The following AKR1D1 variants were observed in gnomAD, a reference collection of about 807,000 sequenced individuals.
The protein encoded by AKR1D1 is delta(4)-3-ketosteroid 5-beta-reductase.
In AKR1D1, 32 loss-of-function variants were observed where a neutral mutation model predicts 42.6. That is an observed-to-expected ratio of 0.75 (90% CI 0.57 to 1.01). The LOEUF (loss-of-function observed/expected upper bound fraction) is 1.01. AKR1D1 is among the 50% of genes least tolerant of loss of function. The pLI is 0.00. For missense variants in AKR1D1, 364 were observed against 402.2 expected, an observed-to-expected ratio of 0.91 and a Z score of 0.81; for synonymous variants, 123 against 135.5, an observed-to-expected ratio of 0.91 and a Z score of 0.64.
chr7:138,107,273 A>T, intron 6 of AKR1D1, 142 bp from the exon 7 acceptor site: 1 of 870,304 alleles, frequency 1.1e-6, no homozygotes, highest in Non-Finnish European at 2.0e-6. Context: ...CATACTCTGC[A>T]CTCAGAGAAA....
intron 7 of AKR1D1, among the ~76,000 whole-genome samples, chr7:138,108,027 C>T (rs1321839262): frequency 6.6e-6 from 1 of 152,134 alleles, no homozygotes; most frequent in Non-Finnish European, 1.5e-5. Flanking sequence ...ACTCACTTCT[C>T]TACCAGCACA....
chr7:138,118,149 A>G lies in AKR1D1; in HGVS notation c.*1487A>G, dbSNP rs1292053487. ...ATCAGTTGCTTATAGATAATGTTCA[A>G]TGACCTCAAGACATATATTTTTGAG... On this transcript the variant is annotated 3_prime_UTR_variant, in exon 9 of 9. Transcript: ENST00000242375. Among the ~76,000 whole-genome samples, 1 of 152,258 alleles carries G rather than the reference A, an allele frequency of 6.6e-6. No individual in the cohort carries two copies. Among genetic ancestry groups the G allele is most frequent in the Non-Finnish European group, 1.5e-5 (1 of 68,044 alleles).
At chr7:138,108,869 ACT>A (rs1794483411) in intron 7 of AKR1D1, among the ~76,000 whole-genome samples, 1 of 152,180 alleles carries the variant, frequency 6.6e-6, no homozygotes, top group Non-Finnish European at 1.5e-5. Flanking sequence ...AGATTTAACC[ACT>A]CCACAATTTA....
At chr7:138,108,218 A>G (rs2117465822) in intron 7 of AKR1D1, among the ~76,000 whole-genome samples, 1 of 152,310 alleles carries the variant, frequency 6.6e-6, no homozygotes, top group Non-Finnish European at 1.5e-5. Context: ...GTAACTTCCA[A>G]GTGAAGAAAG....
intron 3 of AKR1D1, among the ~76,000 whole-genome samples, chr7:138,097,309 C>A (rs1293629514): frequency 2.6e-5 from 4 of 152,160 alleles, no homozygotes; most frequent in African/African-American, 7.2e-5. Context: ...AGAATGCATA[C>A]AAGAGTGATT....
chr7:138,107,315 G>C (rs1429724350), intron 6 of AKR1D1, 100 bp from the exon 7 acceptor site: 4 of 1,274,678 alleles, frequency 3.1e-6, no homozygotes, highest in Non-Finnish European at 4.6e-6. Flanking sequence ...TGTCCTGGTA[G>C]GTGACTGGGT....
At chr7:138,089,537 T>C (rs546134206) in intron 2 of AKR1D1, among the ~76,000 whole-genome samples, 3 of 151,932 alleles carry the variant, frequency 2.0e-5, no homozygotes, top group African/African-American at 7.2e-5. Context: ...TAATGACTCA[T>C]ATTATAGGAG....
chr7:138,089,346 C>A (rs1794014511), intron 2 of AKR1D1, among the ~76,000 whole-genome samples: 1 of 144,196 alleles, frequency 6.9e-6, no homozygotes, highest in South Asian at 2.3e-4. Flanking sequence ...GCGAGACCCT[C>A]TCTCAAAAAA....
chr7:138,105,140 T>C (rs1794394484), intron 4 of AKR1D1, among the ~76,000 whole-genome samples, 167 bp from the exon 5 acceptor site: 1 of 151,908 alleles, frequency 6.6e-6, no homozygotes, highest in Non-Finnish European at 1.5e-5. Context: ...AATTCAATCA[T>C]AGAATTACTG....
intron 3 of AKR1D1, among the ~76,000 whole-genome samples, chr7:138,096,239 T>A (rs187764699): frequency 6.6e-6 from 1 of 151,600 alleles, no homozygotes; most frequent in South Asian, 2.1e-4. Flanking sequence ...GGAAAAAGAA[T>A]GCTATCATTC....
intron 3 of AKR1D1, among the ~76,000 whole-genome samples, chr7:138,093,697 C>A (rs1225790303): frequency 6.6e-6 from 1 of 152,140 alleles, no homozygotes; most frequent in Non-Finnish European, 1.5e-5. Context: ...GGAGAACATT[C>A]TAAAATTATG....
chr7:138,113,502 G>A (rs541490140), intron 7 of AKR1D1, among the ~76,000 whole-genome samples, 188 bp from the exon 8 acceptor site: 2 of 152,192 alleles, frequency 1.3e-5, no homozygotes, highest in South Asian at 2.1e-4. Flanking sequence ...CAGAAAGACC[G>A]TCTCAAAAAC....
chr7:138,081,079 T>C (rs148508309), intron 1 of AKR1D1, among the ~76,000 whole-genome samples: 174 of 152,302 alleles, frequency 1.1e-3, no homozygotes, highest in African/African-American at 4.0e-3. Context: ...CTGCAAAACA[T>C]AGATCATCCG....
At chr7:138,106,270 A>G (rs750379626) in intron 5 of AKR1D1, among the ~76,000 whole-genome samples, 4 of 152,244 alleles carry the variant, frequency 2.6e-5, no homozygotes, top group Non-Finnish European at 5.9e-5. Flanking sequence ...TAATAAAAAA[A>G]TATCAGAATG....
At chr7:138,112,342 TA>T (rs1471949514) in intron 7 of AKR1D1, among the ~76,000 whole-genome samples, 2 of 152,268 alleles carry the variant, frequency 1.3e-5, no homozygotes, top group African/African-American at 4.8e-5. Flanking sequence ...TAATAAATCA[TA>T]AAAGAAAATG....
intron 6 of AKR1D1, chr7:138,107,173 CA>C: frequency 1.5e-6 from 1 of 659,720 alleles, no homozygotes; most frequent in South Asian, 1.5e-5. Context: ...TAAGACTCAT[CA>C]AAAAATATTA....
At chr7:138,112,147 T>A (rs1034043705) in intron 7 of AKR1D1, among the ~76,000 whole-genome samples, 1 of 152,194 alleles carries the variant, frequency 6.6e-6, no homozygotes, top group Non-Finnish European at 1.5e-5. Flanking sequence ...GCAACCTCAC[T>A]TTGCCATTAG....
At chr7:138,088,984 C>T (rs538213332) in intron 2 of AKR1D1, among the ~76,000 whole-genome samples, 25 of 152,170 alleles carry the variant, frequency 1.6e-4, no homozygotes, top group African/African-American at 5.8e-4. Flanking sequence ...ATTCTTGTAT[C>T]ATATTAACGA....
At chr7:138,090,306 A>G (rs1197945891) in intron 2 of AKR1D1, among the ~76,000 whole-genome samples, 1 of 152,112 alleles carries the variant, frequency 6.6e-6, no homozygotes, top group Non-Finnish European at 1.5e-5. Flanking sequence ...AAAATCAGAT[A>G]TTACCAATTT....
Sources: allele counts gnomAD v4.1 joint callset (sites outside exome capture counted in the v4.1 genomes callset), GRCh38; gene constraint gnomAD v4.1.1; transcripts MANE v1.5; gene names NCBI Gene and HGNC (gene_info 2026-07-23, HGNC 2026-07-21).